The following ATG16L1 variants were observed in gnomAD, a reference collection of about 807,000 sequenced individuals.
ATG16L1 encodes the protein autophagy related 16 like 1.
A neutral mutation model predicts 88.5 loss-of-function variants in ATG16L1; 37 were observed. That is an observed-to-expected ratio of 0.42 (90% CI 0.32 to 0.55). The LOEUF is 0.55. ATG16L1 is among the 20% of genes least tolerant of loss of function. The pLI, the probability that ATG16L1 is intolerant of heterozygous loss-of-function variation, is 0.13. For missense variants in ATG16L1, 554 were observed against 752.8 expected (o/e 0.74, Z 3.09); for synonymous variants, 301 against 281.0 (o/e 1.07, Z -0.71).
At chr2:233,274,053 A>G (rs1374641681) in intron 8 of ATG16L1, 6 of 1,548,992 alleles carry the variant, frequency 3.9e-6, no homozygotes, top group Non-Finnish European at 5.2e-6. Context: ...TGAAACTATT[A>G]TCCTCTCTTA....
At chr2:233,269,441 T>C (rs1363001455) in intron 5 of ATG16L1, among the ~76,000 whole-genome samples, 1 of 152,164 alleles carries the variant, frequency 6.6e-6, no homozygotes, top group South Asian at 2.1e-4. Flanking sequence ...AGTGCCAACA[T>C]GACACTCAAA....
chr2:233,293,377 A>T lies in ATG16L1; in HGVS notation c.1730+20A>T. On this transcript the variant is annotated intron_variant, in intron 17 of 17. Coordinates refer to ENST00000392017, the MANE Select transcript of ATG16L1 (RefSeq NM_030803.7). ...GCACAGGTAAGATGAACCCTGTCTCAGCCCCCCGTTGCGTTGTGAGCAAGG... is the reference window on the plus strand; with the variant it reads ...GCACAGGTAAGATGAACCCTGTCTCTGCCCCCCGTTGCGTTGTGAGCAAGG... The T allele has an allele frequency of 6.2e-7, 1 of 1,603,628 alleles. No individual in the cohort carries two copies. The highest frequency in any genetic ancestry group is 1.1e-5 in the South Asian group (1 of 90,866).
At chr2:233,258,199 T>A (rs1251469844) in intron 2 of ATG16L1, among the ~76,000 whole-genome samples, 1 of 152,204 alleles carries the variant, frequency 6.6e-6, no homozygotes, top group African/African-American at 2.4e-5. Flanking sequence ...GTTTGCATGT[T>A]AAATTTGGTA....
intron 1 of ATG16L1, among the ~76,000 whole-genome samples, chr2:233,253,340 G>GTT (rs56151049): frequency 0.01 from 1,099 of 108,572 alleles, 56 homozygotes; most frequent in East Asian, 0.022. Context: ...GGGTTTTTTT[G>GTT]TTTTTTTTTT....
At position 233,281,100 on chromosome 2, in the gene ATG16L1, TAC is replaced by T; in HGVS notation, c.1061-3_1061-2del. On this transcript the variant is annotated splice_polypyrimidine_tract_variant and splice_region_variant and intron_variant, in intron 10 of 17. Coordinates refer to ENST00000392017, the MANE Select transcript of ATG16L1 (RefSeq NM_030803.7). ...CCATCATCCTAATTTTTTCTTTTTA[TAC>T]AGAAAAATGTGAGTTCAAGGGTTCC... is the stretch of plus-strand genomic sequence containing the variant. 1 of 1,580,308 alleles carries T rather than the reference TAC, an allele frequency of 6.3e-7. No individual in the cohort carries two copies. The highest frequency in any genetic ancestry group is 1.4e-5 in the African/African-American group (1 of 73,086).
intron 11 of ATG16L1, among the ~76,000 whole-genome samples, 193 bp from the exon 12 acceptor site, chr2:233,282,488 GA>G (rs200469349): frequency 1.3e-5 from 2 of 151,208 alleles, no homozygotes; most frequent in African/African-American, 2.4e-5. Context: ...AGCAAGCTCA[GA>G]AAAAAAAAGG....
chr2:233,259,728 A>G (rs911461338), intron 2 of ATG16L1, among the ~76,000 whole-genome samples: 3 of 152,008 alleles, frequency 2.0e-5, no homozygotes, highest in African/African-American at 7.3e-5. Flanking sequence ...TCCACTAGTC[A>G]TCTATGGTTC....
chr2:233,269,583 G>A (rs926149823), intron 5 of ATG16L1, among the ~76,000 whole-genome samples: 4 of 152,190 alleles, frequency 2.6e-5, no homozygotes, highest in Admixed American at 6.5e-5. Flanking sequence ...GAGAAAATTC[G>A]AAATCTGAAA....
rs1471778866 is a variant in ATG16L1 at position 233,295,401 on chromosome 2, T to C, written c.*1051T>C. ...TTTTAAATTTGCACTTTATTTTTTTTCTTCCATGCTTGTTCTCTGGACATT... is the reference window on the plus strand; with the variant it reads ...TTTTAAATTTGCACTTTATTTTTTTCCTTCCATGCTTGTTCTCTGGACATT... On this transcript the variant is annotated 3_prime_UTR_variant, in exon 18 of 18. Transcript: ENST00000392017. 6.5e-6 allele frequency: 1 copy of C among 152,842 alleles called. No homozygotes were observed. The highest frequency in any genetic ancestry group is 1.5e-5 in the Non-Finnish European group (1 of 68,052). 9.5% of individuals were successfully genotyped at this position (152,842 alleles called of 1,614,324 possible). A position where few individuals can be genotyped will look rare whatever the true frequency, so the allele number is the denominator to read the frequency against.
intron 16 of ATG16L1, 100 bp downstream of exon 16, chr2:233,292,534 C>A: frequency 7.0e-7 from 1 of 1,428,158 alleles, no homozygotes; most frequent in Non-Finnish European, 9.8e-7. Context: ...GTTCAGTGCC[C>A]AACCTATGTT....
intron 1 of ATG16L1, 122 bp downstream of exon 1, chr2:233,252,064 G>T: frequency 1.3e-6 from 1 of 776,450 alleles, no homozygotes; most frequent in South Asian, 2.2e-5. Flanking sequence ...GCCGCCCCGG[G>T]TAACCCGCGC....
In ATG16L1 at chr2:233,270,010, A is replaced by G; in HGVS notation, c.650A>G (p.Gln217Arg). The G allele has an allele frequency of 6.3e-7, 1 of 1,575,598 alleles. No homozygotes were observed. Among genetic ancestry groups the G allele is most frequent in the South Asian group, 1.2e-5 (1 of 83,392 alleles). Reference protein sequence around the residue: ...AENEKDSRRRQARLQKELAEA... With the variant: ...AENEKDSRRRRARLQKELAEA... ...TTTTTTTTTCCCAACAGGAGGCGGC[A>G]AGCCCGGCTGCAGAAAGAGCTTGCA... Residue 217 changes from glutamine (Q) to arginine (R), a missense_variant, in exon 6 of 18, where the codon CAA becomes CGA. Gln to Arg is a conservative substitution (Grantham distance 43). Around this residue, in one of 5 missense-constraint regions of ATG16L1, gnomAD observed 370 missense variants for 509.7 expected, o/e 0.73. Coordinates refer to ENST00000392017, the MANE Select transcript of ATG16L1 (RefSeq NM_030803.7).
At chr2:233,252,639 C>G (rs566256659) in intron 1 of ATG16L1, among the ~76,000 whole-genome samples, 2 of 152,202 alleles carry the variant, frequency 1.3e-5, no homozygotes, top group South Asian at 2.1e-4. Flanking sequence ...CTTCCCACCT[C>G]GGCCTCCCAA....
intron 1 of ATG16L1, among the ~76,000 whole-genome samples, chr2:233,252,289 C>T (rs1028361768): frequency 2.0e-4 from 30 of 152,180 alleles, no homozygotes; most frequent in African/African-American, 6.5e-4. Context: ...GACTTTCAGT[C>T]GCAGAATTAA....
At chr2:233,268,742 C>A (rs1697776500) in intron 5 of ATG16L1, among the ~76,000 whole-genome samples, 1 of 152,116 alleles carries the variant, frequency 6.6e-6, no homozygotes, top group Non-Finnish European at 1.5e-5. Context: ...TGGTAATTTG[C>A]CCTGTAAAAC....
At chr2:233,261,403 G>A (rs1205190548) in intron 2 of ATG16L1, among the ~76,000 whole-genome samples, 2 of 152,124 alleles carry the variant, frequency 1.3e-5, no homozygotes, top group Non-Finnish European at 2.9e-5. Context: ...TAAAAGGTGG[G>A]GGAGATTTGA....
chr2:233,282,700 G>A lies in ATG16L1; in HGVS notation c.1150G>A (p.Ala384Thr). The A allele has an allele frequency of 6.2e-7, 1 of 1,614,078 alleles. No homozygotes were observed. Among genetic ancestry groups the A allele is most frequent in the Non-Finnish European group, 8.5e-7 (1 of 1,179,972 alleles). The change falls in exon 12 of 18, where the codon GCT becomes ACT. Residue 384 changes from alanine (A) to threonine (T), a missense_variant. By Grantham distance (58) the Ala-to-Thr change is moderately conservative. Transcript: ENST00000392017. ...FDSAGSYLLA[A>T]SNDFASRIWT... ...CCCACAGGGATCTTACCTCTTAGCA[G>A]CTTCAAATGATTTTGCAAGCCGAAT...
chr2:233,254,224 T>C (rs1485393408), intron 1 of ATG16L1, among the ~76,000 whole-genome samples: 3 of 152,222 alleles, frequency 2.0e-5, no homozygotes, highest in African/African-American at 7.2e-5. Flanking sequence ...GGAGAGCAGA[T>C]AGCTTTAAAG....
At chr2:233,291,146 G>C (rs1357808907) in intron 14 of ATG16L1, among the ~76,000 whole-genome samples, 1 of 152,170 alleles carries the variant, frequency 6.6e-6, no homozygotes. Flanking sequence ...AATGAGGACA[G>C]CCTCCCAGCA....
Sources: gnomAD v4.1 joint callset for allele counts (sites outside exome capture counted in the v4.1 genomes callset) on GRCh38, gnomAD v4.1.1 for gene constraint, gnomAD v4.1.1 regional missense constraint, MANE v1.5 for transcripts, NCBI Gene and HGNC (gene_info 2026-07-23, HGNC 2026-07-21) for gene names.